FAM118B: variants seen among roughly 807,000 people sequenced by gnomAD.
FAM118B encodes SIR2 antiphage like 1.
Under a neutral mutation model 38.5 loss-of-function variants are expected in FAM118B, and 24 were observed. The observed-to-expected ratio is 0.62, with a 90% CI of 0.45 to 0.88. FAM118B has a LOEUF of 0.88. FAM118B is among the 40% of genes least tolerant of loss of function. The probability of loss-of-function intolerance (pLI) is 0.00; values close to 1 mark genes in which losing one functional copy is unlikely to be tolerated. For missense variants in FAM118B, 334 were observed against 420.0 expected (o/e 0.80, Z 1.79); for synonymous variants, 138 against 156.3 (o/e 0.88, Z 0.87).
chr11:126,219,376 T>C (rs1950031512), intron 1 of FAM118B, among the ~76,000 whole-genome samples: 1 of 83,916 alleles, frequency 1.2e-5, no homozygotes, highest in South Asian at 4.2e-4. Context: ...TTTTTTTTTT[T>C]TTTTTTTTTT....
rs572501201 is a variant in FAM118B, at chr11:126,221,106, G to A, written c.-76-8119G>A. Among the ~76,000 whole-genome samples the A allele has an allele frequency of 1.1e-4, 17 of 152,316 alleles. No homozygotes were observed. In the South Asian group the frequency reaches 1.7e-3, roughly 15 times the overall value. On this transcript the variant is annotated intron_variant, in intron 1 of 8. Coordinates refer to ENST00000533050, the MANE Select transcript of FAM118B (RefSeq NM_024556.4). ...GGAGCCTGAGGCAGGAGAATAGCTT[G>A]AACCCGGGAGGCAGAGGCTGCAGTG...
intron 1 of FAM118B, among the ~76,000 whole-genome samples, chr11:126,224,225 C>G (rs1345101428): frequency 1.3e-5 from 2 of 152,104 alleles, no homozygotes; most frequent in African/African-American, 4.8e-5. Flanking sequence ...TTAATCCCAG[C>G]ACTTTGGGAG....
At position 126,211,817 on chromosome 11, in the gene FAM118B, T is replaced by G. The variant is rs1211890674; in HGVS notation, c.-90T>G. ...GTAGCTGCAGCTGGAGCAGTGGCGT[T>G]TGGAGGAGACTCGGTGAGTGTGTAG... On this transcript the variant is annotated 5_prime_UTR_variant, in exon 1 of 9. Transcript: ENST00000533050. The G allele has an allele frequency of 3.1e-6, 2 of 650,272 alleles. No individual in the cohort carries two copies. The highest frequency in any genetic ancestry group is 5.2e-6 in the Non-Finnish European group (2 of 382,234). 40.3% of individuals were successfully genotyped at this position (650,272 alleles called of 1,614,324 possible). A position where few individuals can be genotyped will look rare whatever the true frequency, so the allele number is the denominator to read the frequency against.
At chr11:126,228,350 C>T (rs888621301) in intron 1 of FAM118B, among the ~76,000 whole-genome samples, 8 of 151,628 alleles carry the variant, frequency 5.3e-5, no homozygotes, top group African/African-American at 1.9e-4. Context: ...CAGGTGTGTG[C>T]CACCACACCT....
Position 126,240,752 on chromosome 11 carries a change from A to G in FAM118B, c.87-40A>G, listed in dbSNP as rs758464482. The G allele has an allele frequency of 4.5e-6, 7 of 1,557,330 alleles. No homozygotes were observed. The Admixed American group carries it at 7.9e-5, about 18-fold the overall frequency. ...CAGTCTTTCTGTGTGCCTCATATCT[A>G]TTGGATATTCCAATCCTCTCATTTG... On this transcript the variant is annotated intron_variant, in intron 3 of 8. Coordinates refer to ENST00000533050, the MANE Select transcript of FAM118B (RefSeq NM_024556.4).
intron 2 of FAM118B, chr11:126,233,615 C>T (rs1365480623): frequency 5.0e-6 from 2 of 398,488 alleles, no homozygotes; most frequent in Admixed American, 3.2e-5. Flanking sequence ...AAAGATTTGA[C>T]TGGAAACATG....
Position 126,255,545 on chromosome 11 carries a change from A to G in FAM118B, c.697-1022A>G, listed in dbSNP as rs1284698797. On this transcript the variant is annotated intron_variant, in intron 6 of 8. Coordinates refer to ENST00000533050, the MANE Select transcript of FAM118B (RefSeq NM_024556.4). The surrounding 1 kb of genome is among the most constrained non-coding windows in gnomAD (Gnocchi z 4.6). The stretch of plus-strand genomic sequence containing the variant: ...GTATCAAACGCCTTTCCTTGAGCAA[A>G]TCCGATGATGGAATTATCTTCTCTG... Among the ~76,000 whole-genome samples, 1 of 152,140 alleles carries G rather than the reference A, an allele frequency of 6.6e-6. No individual in the cohort carries two copies. Among genetic ancestry groups the G allele is most frequent in the South Asian group, 2.1e-4 (1 of 4,822 alleles).
chr11:126,257,146 C>T (rs1293381854), intron 7 of FAM118B, among the ~76,000 whole-genome samples: 2 of 152,032 alleles, frequency 1.3e-5, no homozygotes, highest in African/African-American at 2.4e-5. Context: ...TACAAAATAG[C>T]GAAGAAAGAT....
chr11:126,241,483 C>T (rs1489118365), intron 4 of FAM118B, among the ~76,000 whole-genome samples: 1 of 152,144 alleles, frequency 6.6e-6, no homozygotes, highest in African/African-American at 2.4e-5. Flanking sequence ...GAAGGAATTG[C>T]ACCTTATTTT....
intron 4 of FAM118B, among the ~76,000 whole-genome samples, chr11:126,246,547 T>G (rs1474765569): frequency 2.6e-5 from 4 of 152,322 alleles, no homozygotes; most frequent in Middle Eastern, 3.4e-3. Context: ...TGGCACATAG[T>G]TGATGCACTA....
chr11:126,239,156 G>T (rs1202188631), intron 3 of FAM118B, among the ~76,000 whole-genome samples: 1 of 151,474 alleles, frequency 6.6e-6, no homozygotes, highest in African/African-American at 2.4e-5. Flanking sequence ...TCTTTGTTTG[G>T]CAGAGATGGG....
chr11:126,243,441 G>A (rs1373091129), intron 4 of FAM118B, among the ~76,000 whole-genome samples: 1 of 151,662 alleles, frequency 6.6e-6, no homozygotes, highest in Non-Finnish European at 1.5e-5. Context: ...TGCAGTCTCG[G>A]TGACAGAGCA....
intron 1 of FAM118B, among the ~76,000 whole-genome samples, chr11:126,220,966 C>T (rs1010494897): frequency 6.6e-6 from 1 of 151,986 alleles, no homozygotes. Flanking sequence ...GCATGTGGAT[C>T]GCTTGAGGCC....
chr11:126,239,635 T>C (rs1246640138), intron 3 of FAM118B, among the ~76,000 whole-genome samples: 1 of 152,180 alleles, frequency 6.6e-6, no homozygotes, highest in Non-Finnish European at 1.5e-5. Flanking sequence ...TGCCTCAGCC[T>C]CCCTAGTAGC....
chr11:126,216,806 A>G (rs597469), intron 1 of FAM118B, among the ~76,000 whole-genome samples: 27,716 of 152,214 alleles, frequency 0.18, 2,661 homozygotes, highest in South Asian at 0.23. Context: ...ACTGAGAGCT[A>G]TTGTACCACA....
chr11:126,249,574 T>C (rs757039565), intron 4 of FAM118B, among the ~76,000 whole-genome samples: 38 of 151,356 alleles, frequency 2.5e-4, no homozygotes, highest in Admixed American at 9.9e-4. Context: ...CTACTAAAAA[T>C]ACAAAAATTA....
rs777776459 is a variant in FAM118B at position 126,255,799 on chromosome 11, G to A, written c.697-768G>A. On this transcript the variant is annotated intron_variant, in intron 6 of 8. Coordinates refer to ENST00000533050, the MANE Select transcript of FAM118B (RefSeq NM_024556.4). This position sits in a 1 kb window ranked among gnomAD's most constrained non-coding sequence, Gnocchi z 4.6. The stretch of plus-strand genomic sequence containing the variant: ...GAAACCCTGTCTCTACTAAAAATAG[G>A]AAAATTAGCTGGGCGTGCTGGCAGG... 1.4e-5 allele frequency among the ~76,000 whole-genome samples: 2 copies of A among 147,126 alleles called. No individual in the cohort carries two copies. The highest frequency in any genetic ancestry group is 3.0e-5 in the Non-Finnish European group (2 of 66,658).
At chr11:126,219,349 C>CTTCTTTTTTTTTT (rs1950028762) in intron 1 of FAM118B, among the ~76,000 whole-genome samples, 2 of 44,416 alleles carry the variant, frequency 4.5e-5, no homozygotes, top group Non-Finnish European at 7.7e-5. Flanking sequence ...TCTTGTTTAT[C>CTTCTTTTTTTTTT]TTTTTTTTTT....
intron 3 of FAM118B, among the ~76,000 whole-genome samples, chr11:126,239,482 C>T (rs1950327322): frequency 1.3e-5 from 2 of 152,140 alleles, no homozygotes; most frequent in Admixed American, 1.3e-4. Context: ...TTGCTCTGAA[C>T]TGAAACTCAT....
Sources: allele counts gnomAD v4.1 joint callset (sites outside exome capture counted in the v4.1 genomes callset), GRCh38; gene constraint gnomAD v4.1.1; non-coding constraint Gnocchi (gnomAD v3.1); transcripts MANE v1.5; gene names NCBI Gene and HGNC (gene_info 2026-07-23, HGNC 2026-07-21).